RAPGEF2: variants seen among roughly 807,000 people sequenced by gnomAD.
RAPGEF2 encodes Rap guanine nucleotide exchange factor 2.
Under a neutral mutation model 186.7 loss-of-function variants are expected in RAPGEF2, and 54 were observed. That is an observed-to-expected ratio of 0.29 (90% CI 0.23 to 0.36). The LOEUF is 0.36. RAPGEF2 is among the 10% of genes least tolerant of loss of function. The pLI, the probability that RAPGEF2 is intolerant of heterozygous loss-of-function variation, is 1.00. For synonymous variants in RAPGEF2, 712 were observed against 705.9 expected (o/e 1.01, Z -0.14); for missense variants, 1,532 against 2,045.0 (o/e 0.75, Z 4.84).
chr4:159,181,562 A>G (rs1303708590), intron 1 of RAPGEF2, among the ~76,000 whole-genome samples: 1 of 150,112 alleles, frequency 6.7e-6, no homozygotes, highest in Non-Finnish European at 1.5e-5. Context: ...CTCCTCAGAA[A>G]TGGGAAGACA....
chr4:159,266,277 G>C (rs1213806206), intron 7 of RAPGEF2, among the ~76,000 whole-genome samples: 1 of 152,016 alleles, frequency 6.6e-6, no homozygotes, highest in Non-Finnish European at 1.5e-5. Flanking sequence ...AAAGAGAATA[G>C]GGTGGGTACA....
intron 1 of RAPGEF2, among the ~76,000 whole-genome samples, chr4:159,138,610 T>G (rs1188110579): frequency 6.6e-6 from 1 of 152,210 alleles, no homozygotes; most frequent in Non-Finnish European, 1.5e-5. Flanking sequence ...TTGACTCATT[T>G]GGGAAGTACA....
At chr4:159,116,783 A>G (rs1008886469) in intron 1 of RAPGEF2, among the ~76,000 whole-genome samples, 8 of 152,238 alleles carry the variant, frequency 5.3e-5, no homozygotes, top group Non-Finnish European at 1.0e-4. Context: ...CATTATCCTC[A>G]GTAAACTAAC....
At chr4:159,104,538 G>GAGAC (rs1737632080) in intron 1 of RAPGEF2, among the ~76,000 whole-genome samples, 12 of 109,276 alleles carry the variant, frequency 1.1e-4, no homozygotes, top group South Asian at 5.9e-4. Flanking sequence ...GAGAGACAGA[G>GAGAC]AGAGAGAGAG....
intron 1 of RAPGEF2, among the ~76,000 whole-genome samples, chr4:159,141,091 G>T: frequency 6.6e-6 from 1 of 152,110 alleles, no homozygotes; most frequent in Non-Finnish European, 1.5e-5. Flanking sequence ...GAGATGCTGC[G>T]CCTGGCCTAA....
intron 7 of RAPGEF2, among the ~76,000 whole-genome samples, chr4:159,287,583 A>G (rs1341191701): frequency 1.3e-5 from 2 of 152,176 alleles, no homozygotes; most frequent in Non-Finnish European, 2.9e-5. Context: ...AAGAGCAATT[A>G]TATTTAATGT....
At chr4:159,325,699 G>A (rs529201398) in intron 11 of RAPGEF2, among the ~76,000 whole-genome samples, 16 of 152,014 alleles carry the variant, frequency 1.1e-4, no homozygotes, top group African/African-American at 2.7e-4. Flanking sequence ...AATGATATGC[G>A]GCATAGAATT....
At chr4:159,352,443 T>C in intron 26 of RAPGEF2, 1 of 436,242 alleles carries the variant, frequency 2.3e-6, no homozygotes, top group Admixed American at 3.9e-5. Flanking sequence ...CTTTTCTGCA[T>C]CTTTTCCTAG....
intron 1 of RAPGEF2, among the ~76,000 whole-genome samples, chr4:159,126,598 T>C (rs1054471353): frequency 5.3e-5 from 8 of 152,142 alleles, no homozygotes; most frequent in Admixed American, 3.9e-4. Flanking sequence ...TCTCAGAATT[T>C]TCTTTTTAAC....
rs78330819 is a variant in RAPGEF2, at chr4:159,149,546, C to T, written c.70-37096C>T. 7.1e-3 allele frequency among the ~76,000 whole-genome samples: 1,074 copies of T among 152,256 alleles called. 7 individuals are homozygous for T. The highest frequency in any genetic ancestry group is 0.014 in the Middle Eastern group (4 of 294). On this transcript the variant is annotated intron_variant, in intron 1 of 29. Coordinates refer to ENST00000691494, the MANE Select transcript of RAPGEF2 (RefSeq NM_001394067.2). ...TGCTGGGATTACAGGTGTGAGCCAC[C>T]GCGCCTGGCCTAAAGTTTTAGTTTT...
intron 7 of RAPGEF2, among the ~76,000 whole-genome samples, chr4:159,244,338 C>T (rs1169478074): frequency 6.6e-6 from 1 of 151,792 alleles, no homozygotes; most frequent in African/African-American, 2.4e-5. Flanking sequence ...TTCTTATTTG[C>T]ACTTTATTTT....
intron 1 of RAPGEF2, among the ~76,000 whole-genome samples, chr4:159,153,070 T>C (rs1327522576): frequency 6.6e-6 from 1 of 152,252 alleles, no homozygotes. Flanking sequence ...TTTATATTGG[T>C]CAGTTACTAT....
chr4:159,172,264 C>T (rs1022600235), intron 1 of RAPGEF2, among the ~76,000 whole-genome samples: 4 of 152,126 alleles, frequency 2.6e-5, no homozygotes, highest in African/African-American at 4.8e-5. Context: ...CTGTAGTTCT[C>T]GGATGCAGTA....
chr4:159,290,713 T>C (rs1257370509), intron 7 of RAPGEF2, among the ~76,000 whole-genome samples: 1 of 151,736 alleles, frequency 6.6e-6, no homozygotes, highest in Admixed American at 6.6e-5. Context: ...GATGTCATAG[T>C]CATTCAGACT....
chr4:159,172,754 G>GAGATACTTC (rs1746045512), intron 1 of RAPGEF2, among the ~76,000 whole-genome samples: 2 of 152,156 alleles, frequency 1.3e-5, no homozygotes, highest in African/African-American at 4.8e-5. Flanking sequence ...ATTGAAAGGT[G>GAGATACTTC]AGATACTTCA....
At chr4:159,116,909 A>G (rs895436550) in intron 1 of RAPGEF2, among the ~76,000 whole-genome samples, 3 of 152,184 alleles carry the variant, frequency 2.0e-5, no homozygotes, top group African/African-American at 7.2e-5. Context: ...ATCAGGAAAA[A>G]CAGCTAATGC....
In RAPGEF2 at chr4:159,157,907, G is replaced by T. The variant is rs544186962; in HGVS notation, c.70-28735G>T. On this transcript the variant is annotated intron_variant, in intron 1 of 29. Transcript: ENST00000691494. The stretch of plus-strand genomic sequence containing the variant: ...CTATGGCAGTGGCAGTGGCATGAAG[G>T]TTGAGGTAGGGAAGCTGGGTTTTGA... Among the ~76,000 whole-genome samples the T allele has an allele frequency of 7.9e-5, 12 of 152,244 alleles. No homozygotes were observed. In the South Asian group the frequency reaches 1.7e-3, roughly 21 times the overall value.
At chr4:159,132,784 G>A (rs1741253249) in intron 1 of RAPGEF2, among the ~76,000 whole-genome samples, 1 of 151,712 alleles carries the variant, frequency 6.6e-6, no homozygotes, top group South Asian at 2.1e-4. Context: ...TGCGTTTTAA[G>A]TGTATATGAT....
chr4:159,226,092 C>T (rs1344820933), intron 4 of RAPGEF2, among the ~76,000 whole-genome samples: 1 of 152,008 alleles, frequency 6.6e-6, no homozygotes, highest in Non-Finnish European at 1.5e-5. Flanking sequence ...TGTTTTTCTT[C>T]TAGAAAGGTA....
Sources: allele counts gnomAD v4.1 joint callset (sites outside exome capture counted in the v4.1 genomes callset), GRCh38; gene constraint gnomAD v4.1.1; transcripts MANE v1.5; gene names NCBI Gene and HGNC (gene_info 2026-07-23, HGNC 2026-07-21).